Variants in DZIP1L observed in about 807,000 individuals in gnomAD.
The protein encoded by DZIP1L is DAZ interacting zinc finger protein 1 like, also known as cilium assembly protein DZIP1L.
In DZIP1L, 90 loss-of-function variants were observed where a neutral mutation model predicts 88.7. That is an observed-to-expected ratio of 1.02 (90% CI 0.86 to 1.21). The LOEUF (loss-of-function observed/expected upper bound fraction) is 1.21. DZIP1L is among the 50% of genes most tolerant of loss of function. The probability of loss-of-function intolerance (pLI) is 0.00; values close to 1 mark genes in which losing one functional copy is unlikely to be tolerated. For missense variants in DZIP1L, 932 were observed against 955.8 expected (o/e 0.98, Z 0.33); for synonymous variants, 363 against 372.1 (o/e 0.98, Z 0.28).
At chr3:138,108,053 G>A (rs992739690) in intron 1 of DZIP1L, 2 of 197,542 alleles carry the variant, frequency 1.0e-5, no homozygotes, top group Non-Finnish European at 1.8e-5. Flanking sequence ...GCGCGATCTC[G>A]GCTCACTGCA....
At chr3:138,074,696 C>A (rs571110191) in intron 11 of DZIP1L, among the ~76,000 whole-genome samples, 284 of 148,944 alleles carry the variant, frequency 1.9e-3, no homozygotes, top group Middle Eastern at 3.4e-3. Flanking sequence ...CTCCTTAAAG[C>A]ATAAATCTCA....
At chr3:138,106,530 C>T (rs2042495470) in intron 1 of DZIP1L, among the ~76,000 whole-genome samples, 1 of 151,118 alleles carries the variant, frequency 6.6e-6, no homozygotes. Context: ...AGGAAGAAGG[C>T]CTTTAAAAAA....
intron 1 of DZIP1L, among the ~76,000 whole-genome samples, chr3:138,105,304 G>T (rs980707664): frequency 6.6e-6 from 1 of 151,846 alleles, no homozygotes; most frequent in African/African-American, 2.4e-5. Context: ...GTGTGTGGGT[G>T]GTGATGGTCA....
In DZIP1L at chr3:138,115,038, T is replaced by A. The variant is rs1004554754; in HGVS notation, c.-82+290A>T. Among the ~76,000 whole-genome samples the A allele has an allele frequency of 2.0e-5, 3 of 152,178 alleles. No individual in the cohort carries two copies. The South Asian group carries it at 6.2e-4, about 31-fold the overall frequency. On this transcript the variant is annotated intron_variant, in intron 1 of 15. Coordinates refer to ENST00000327532, the MANE Select transcript of DZIP1L (RefSeq NM_173543.3). ...CCCAGTGAAGCCGAGTCTTGGGGCA[T>A]CCCGTCATTCGTCCCCCGCGCACGG...
intron 11 of DZIP1L, among the ~76,000 whole-genome samples, chr3:138,075,527 G>C (rs1576447485): frequency 6.6e-6 from 1 of 152,172 alleles, no homozygotes; most frequent in East Asian, 1.9e-4. Context: ...CAAATACATG[G>C]AAATTAAATA....
chr3:138,079,056 T>C (rs1943533110), intron 10 of DZIP1L, among the ~76,000 whole-genome samples: 1 of 152,240 alleles, frequency 6.6e-6, no homozygotes, highest in South Asian at 2.1e-4. Context: ...TTGTCTGGCA[T>C]GGGGCCTGAG....
intron 1 of DZIP1L, among the ~76,000 whole-genome samples, chr3:138,106,129 T>TTC (rs1486398692): frequency 2.1e-5 from 1 of 46,572 alleles, no homozygotes; most frequent in African/African-American, 1.7e-4. Context: ...TCTTCTTTCT[T>TTC]TTTTTTTTTT....
At chr3:138,066,522 G>A (rs1047773706) in intron 14 of DZIP1L, among the ~76,000 whole-genome samples, 4 of 152,052 alleles carry the variant, frequency 2.6e-5, no homozygotes, top group African/African-American at 9.7e-5. Flanking sequence ...CCATGACATC[G>A]TTCTGTGGTC....
intron 13 of DZIP1L, 123 bp from the exon 14 acceptor site, chr3:138,067,823 G>T: frequency 1.7e-6 from 2 of 1,177,274 alleles, no homozygotes; most frequent in Non-Finnish European, 2.3e-6. Context: ...CCTCCCTCAG[G>T]CCCAGAAGAC....
In DZIP1L at chr3:138,068,215, G is replaced by C; in HGVS notation, c.1768C>G (p.Pro590Ala). The change falls in exon 13 of 16, where the codon CCC becomes GCC. Residue 590 changes from proline to alanine, a missense_variant. Transcript: ENST00000327532. ...CCATGCAGTCCGGGGCGTGGAGCGG[G>C]GGCGGACACCTGGGTCAGGCTGGAG... ...HGSSLTQVSA[P>A]APRPGLHGPS... 6.3e-7 allele frequency: 1 copy of C among 1,593,780 alleles called. No individual in the cohort carries two copies. Among genetic ancestry groups the C allele is most frequent in the Non-Finnish European group, 8.6e-7 (1 of 1,169,150 alleles).
At chr3:138,072,198 A>G (rs780132927) in intron 11 of DZIP1L, among the ~76,000 whole-genome samples, 2 of 152,202 alleles carry the variant, frequency 1.3e-5, no homozygotes, top group Non-Finnish European at 2.9e-5. Context: ...TGTACTCCCA[A>G]TTACTATTAT....
In DZIP1L at chr3:138,063,464, GC is replaced by G. The variant is rs1489228445; in HGVS notation, c.2143-488del. ...GCTTGGGAGCAACAGGAGTCCTTCA[GC>G]CTGGAAGGGTCTGCACTGCAGCCAG... On this transcript the variant is annotated intron_variant, in intron 15 of 15. Transcript: ENST00000327532. The surrounding 1 kb of genome is among the most constrained non-coding windows in gnomAD (Gnocchi z 4.1). Among the ~76,000 whole-genome samples, 2 of 152,208 alleles carry G rather than the reference GC, an allele frequency of 1.3e-5. No homozygotes were observed. Among genetic ancestry groups the G allele is most frequent in the Non-Finnish European group, 2.9e-5 (2 of 68,038 alleles).
chr3:138,091,752 C>A (rs2107807898), intron 5 of DZIP1L, among the ~76,000 whole-genome samples: 1 of 151,756 alleles, frequency 6.6e-6, no homozygotes, highest in East Asian at 1.9e-4. Context: ...TAAAAAAAAA[C>A]TTTAAAAAGA....
intron 8 of DZIP1L, 64 bp downstream of exon 8, chr3:138,084,049 G>A (rs1559839828): frequency 6.3e-7 from 1 of 1,579,332 alleles, no homozygotes; most frequent in Non-Finnish European, 8.6e-7. Context: ...AGAATCCAAG[G>A]AGATCCTCAC....
Position 138,101,418 on chromosome 3 carries a change from C to A in DZIP1L, c.501+2053G>T, listed in dbSNP as rs1013887952. 27 of 710,640 alleles carry A rather than the reference C, an allele frequency of 3.8e-5. No individual in the cohort carries two copies. In the Admixed American group the frequency reaches 5.0e-4, roughly 13 times the overall value. The allele number at this position is 710,640 out of a possible 1,614,324, so 44.0% of individuals were successfully genotyped here. A position where few individuals can be genotyped will look rare whatever the true frequency, so the allele number is the denominator to read the frequency against. On this transcript the variant is annotated intron_variant, in intron 2 of 15. Transcript: ENST00000327532. ...CTGTGCTACCCTGCACAGCAGCCTC[C>A]CCCGCTGGGCTCTGGGGCAGCCGCA...
Position 138,068,138 on chromosome 3 carries a change from G to T in DZIP1L, c.1832+13C>A. On this transcript the variant is annotated intron_variant, in intron 13 of 15. Transcript: ENST00000327532. Reference sequence around the variant, plus strand: ...ACTGCAGGTGGGGTGAGAGGGCAGAGTCTGGGGCTCACCTCATCCCGGGCC... The same window carrying T: ...ACTGCAGGTGGGGTGAGAGGGCAGATTCTGGGGCTCACCTCATCCCGGGCC... 1 of 1,490,336 alleles carries T rather than the reference G, an allele frequency of 6.7e-7. No homozygotes were observed. The highest frequency in any genetic ancestry group is 9.0e-7 in the Non-Finnish European group (1 of 1,117,218). 92.3% of individuals were successfully genotyped at this position (1,490,336 alleles called of 1,614,324 possible).
chr3:138,080,326 A>G (rs1943589906), intron 10 of DZIP1L: 1 of 384,070 alleles, frequency 2.6e-6, no homozygotes, highest in Non-Finnish European at 4.9e-6. Flanking sequence ...ACTCTGGACA[A>G]GCTAATGACC....
Position 138,095,101 on chromosome 3 carries a change from G to A in DZIP1L, c.587-118C>T, listed in dbSNP as rs1944409273. On this transcript the variant is annotated intron_variant, in intron 3 of 15. Coordinates refer to ENST00000327532, the MANE Select transcript of DZIP1L (RefSeq NM_173543.3). Reference sequence around the variant, plus strand: ...TCAAACCAGCTTCGCTACTTAGTACGTTGACATTGGGCAAAGAACATAACC... The same window carrying A: ...TCAAACCAGCTTCGCTACTTAGTACATTGACATTGGGCAAAGAACATAACC... 2.9e-5 allele frequency: 42 copies of A among 1,467,514 alleles called. No homozygotes were observed. The South Asian group carries it at 3.9e-4, about 14-fold the overall frequency. The allele number at this position is 1,467,514 out of a possible 1,614,324, so 90.9% of individuals were successfully genotyped here. A position where few individuals can be genotyped will look rare whatever the true frequency, so the allele number is the denominator to read the frequency against.
intron 11 of DZIP1L, among the ~76,000 whole-genome samples, chr3:138,075,513 C>T (rs1209802947): frequency 6.6e-6 from 1 of 152,192 alleles, no homozygotes; most frequent in Non-Finnish European, 1.5e-5. Flanking sequence ...CCCTCAAAAC[C>T]ATGCAAATAC....
Sources: allele counts gnomAD v4.1 joint callset (sites outside exome capture counted in the v4.1 genomes callset), GRCh38; gene constraint gnomAD v4.1.1; non-coding constraint Gnocchi (gnomAD v3.1); transcripts MANE v1.5; gene names NCBI Gene and HGNC (gene_info 2026-07-23, HGNC 2026-07-21).